Variants in TG observed in about 807,000 individuals in gnomAD.
The protein encoded by TG is thyroid hormones.
TG carries 270 observed loss-of-function variants against 324.7 expected under a neutral mutation model. The observed-to-expected ratio is 0.83, with a 90% CI of 0.75 to 0.92. TG has a LOEUF of 0.92. Among genes scored for constraint, TG ranks in the 40% least tolerant of loss-of-function variants. The pLI, the probability that TG is intolerant of heterozygous loss-of-function variation, is 0.00. For synonymous variants in TG, 1,401 were observed against 1,327.0 expected, an observed-to-expected ratio of 1.06 and a Z score of -1.21; for missense variants, 3,591 against 3,456.4, an observed-to-expected ratio of 1.04 and a Z score of -0.98.
intron 35 of TG, chr8:132,988,869 C>A: frequency 1.0e-6 from 1 of 985,370 alleles, no homozygotes; most frequent in Non-Finnish European, 1.2e-6. Context: ...GCTTGCCATT[C>A]TCTATTTCAG....
chr8:133,090,396 T>C (rs537587209), intron 41 of TG, among the ~76,000 whole-genome samples: 1 of 152,298 alleles, frequency 6.6e-6, no homozygotes, highest in East Asian at 1.9e-4. Context: ...TTTAACTTCA[T>C]AGTGCTGTGG....
At chr8:132,991,545 G>C (rs1310997856) in intron 35 of TG, among the ~76,000 whole-genome samples, 1 of 152,152 alleles carries the variant, frequency 6.6e-6, no homozygotes, top group Admixed American at 6.5e-5. Context: ...ACGCACACAC[G>C]CACACAAGCC....
Position 132,886,494 on chromosome 8 carries a change from A to T in TG, c.1122A>T (p.Arg374Ser), listed in dbSNP as rs139531784. The T allele has an allele frequency of 5.0e-6, 8 of 1,613,792 alleles. No homozygotes were observed. The African/African-American group carries it at 9.4e-5, about 19-fold the overall frequency. Reference protein sequence around the residue: ...CASERQQALSRLYFGTSGYFS... With the variant: ...CASERQQALSSLYFGTSGYFS... ...CCGAAAGGCAGCAGGCCTTGTCCAG[A>T]CTCTACTTTGGGACCTCAGGCTACT... The change falls in exon 9 of 48, where the codon AGA becomes AGT. Residue 374 changes from arginine (R) to serine (S), a missense_variant. Coordinates refer to ENST00000220616, the MANE Select transcript of TG (RefSeq NM_003235.5).
intron 8 of TG, 40 bp from the exon 9 acceptor site, chr8:132,886,408 C>T: frequency 2.5e-6 from 4 of 1,613,616 alleles, no homozygotes; most frequent in Non-Finnish European, 2.5e-6. Context: ...TTGCTTGTGA[C>T]ATTAAAACCT....
intron 25 of TG, among the ~76,000 whole-genome samples, chr8:132,940,017 T>C (rs926457775): frequency 6.6e-6 from 1 of 152,176 alleles, no homozygotes; most frequent in Non-Finnish European, 1.5e-5. Context: ...CCTTGAGGAT[T>C]ACTTATTATC....
Position 132,983,240 on chromosome 8 carries a change from C to T in TG, c.6200-110C>T, listed in dbSNP as rs1831112788. 3.3e-6 allele frequency: 4 copies of T among 1,218,928 alleles called. No homozygotes were observed. In the East Asian group the frequency reaches 9.3e-5, roughly 28 times the overall value. The allele number at this position is 1,218,928 out of a possible 1,614,324, so 75.5% of individuals were successfully genotyped here. On this transcript the variant is annotated intron_variant, in intron 34 of 47. Transcript: ENST00000220616. ...ATACAGGTTGGGACAATCTGTCTGC[C>T]TTCCAAGTCCAATTTTACAATCACC...
chr8:133,045,387 C>CTTTTTTTTTTTTT (rs5895172), intron 41 of TG, among the ~76,000 whole-genome samples: 3 of 65,868 alleles, frequency 4.6e-5, no homozygotes, highest in Admixed American at 2.2e-4. Flanking sequence ...ATCCTCTTTG[C>CTTTTTTTTTTTTT]TTTTTTTTTT....
intron 47 of TG, 37 bp from the exon 48 acceptor site, chr8:133,134,639 C>T: frequency 6.3e-7 from 1 of 1,580,990 alleles, no homozygotes; most frequent in Middle Eastern, 1.7e-4. Context: ...AAGTCCTAAT[C>T]TGGCTTGGAC....
In TG at chr8:132,967,983, A is replaced by G. The variant is rs1204373782; in HGVS notation, c.5863+13A>G. The G allele has an allele frequency of 6.2e-7, 1 of 1,612,640 alleles. No individual in the cohort carries two copies. The highest frequency in any genetic ancestry group is 2.2e-5 in the East Asian group (1 of 44,854). On this transcript the variant is annotated intron_variant, in intron 31 of 47. Coordinates refer to ENST00000220616, the MANE Select transcript of TG (RefSeq NM_003235.5). ...TTCCGGAAGAAAGGTGAGCACTTGG[A>G]GAGATCTGCATAAACTGTATTTCCA...
chr8:132,996,934 A>C (rs1832940221), intron 35 of TG, among the ~76,000 whole-genome samples: 1 of 152,152 alleles, frequency 6.6e-6, no homozygotes, highest in Non-Finnish European at 1.5e-5. Context: ...AGGCAGACTA[A>C]TGAGAGATGA....
chr8:132,873,738 CTTT>C (rs1209203125), intron 5 of TG, among the ~76,000 whole-genome samples: 1 of 151,974 alleles, frequency 6.6e-6, no homozygotes, highest in East Asian at 1.9e-4. Context: ...CAAAAAGATT[CTTT>C]ATTTGTGCTT....
At chr8:133,119,613 C>T (rs899497022) in intron 45 of TG, among the ~76,000 whole-genome samples, 5 of 152,154 alleles carry the variant, frequency 3.3e-5, no homozygotes, top group African/African-American at 1.2e-4. Context: ...CATAAGGCTC[C>T]ACCCTCATGA....
At chr8:133,049,169 GC>G (rs1236096657) in intron 41 of TG, 1 of 456,406 alleles carries the variant, frequency 2.2e-6, no homozygotes, top group Non-Finnish European at 4.4e-6. Context: ...GGCTGCAGAG[GC>G]CTCACTGGAA....
At chr8:133,123,727 C>T (rs1160904508) in intron 45 of TG, among the ~76,000 whole-genome samples, 2 of 151,372 alleles carry the variant, frequency 1.3e-5, no homozygotes, top group African/African-American at 4.9e-5. Flanking sequence ...ACCGCACCCC[C>T]AGCCCTGGTC....
At chr8:133,047,894 C>T in intron 41 of TG, 3 of 1,612,914 alleles carry the variant, frequency 1.9e-6, no homozygotes, top group Non-Finnish European at 2.5e-6. Flanking sequence ...GCTGCAGCAG[C>T]TCCTCGGCCT....
At chr8:132,873,952 T>C (rs1048430694) in intron 5 of TG, among the ~76,000 whole-genome samples, 16 of 152,042 alleles carry the variant, frequency 1.1e-4, no homozygotes, top group Non-Finnish European at 1.9e-4. Flanking sequence ...GGGCAGATCA[T>C]GAGGTCAGGG....
intron 45 of TG, among the ~76,000 whole-genome samples, chr8:133,131,516 C>T (rs1341161822): frequency 6.6e-6 from 1 of 152,144 alleles, no homozygotes; most frequent in African/African-American, 2.4e-5. Flanking sequence ...GAATATGACC[C>T]AAAAATCATT....
chr8:133,102,569 C>T (rs1383085574), intron 43 of TG: 11 of 1,551,454 alleles, frequency 7.1e-6, no homozygotes, highest in East Asian at 2.4e-5. Flanking sequence ...AGCATCAGGG[C>T]TGCCTGAGAT....
At chr8:133,118,867 C>A (rs765657171) in intron 45 of TG, among the ~76,000 whole-genome samples, 1 of 152,116 alleles carries the variant, frequency 6.6e-6, no homozygotes, top group Non-Finnish European at 1.5e-5. Flanking sequence ...AGGATCTTGG[C>A]GTGGGGAGAT....
Sources: allele counts gnomAD v4.1 joint callset (sites outside exome capture counted in the v4.1 genomes callset), GRCh38; gene constraint gnomAD v4.1.1; transcripts MANE v1.5; gene names NCBI Gene and HGNC (gene_info 2026-07-23, HGNC 2026-07-21).